The following NEDD4L variants were observed in gnomAD, a reference collection of about 807,000 sequenced individuals.
NEDD4L encodes E3 ubiquitin-protein ligase NEDD4-like.
A neutral mutation model predicts 148.9 loss-of-function variants in NEDD4L; 54 were observed. The observed-to-expected ratio is 0.36, with a 90% CI of 0.29 to 0.45. NEDD4L has a LOEUF of 0.45. Ranked by LOEUF, NEDD4L falls within the 20% of genes least tolerant of loss-of-function variation. NEDD4L has a pLI of 1.00. For missense variants in NEDD4L, 856 were observed against 1,233.8 expected, an observed-to-expected ratio of 0.69 and a Z score of 4.59; for synonymous variants, 433 against 440.7, an observed-to-expected ratio of 0.98 and a Z score of 0.22.
intron 1 of NEDD4L, among the ~76,000 whole-genome samples, chr18:58,055,054 T>C (rs2082034276): frequency 6.6e-6 from 1 of 152,190 alleles, no homozygotes; most frequent in African/African-American, 2.4e-5. Flanking sequence ...TGTTGAAGAA[T>C]ATTTAATACC....
At position 58,357,453 on chromosome 18, in the gene NEDD4L, T is replaced by C. The variant is rs758828842; in HGVS notation, c.1767+201T>C. The C allele has an allele frequency of 5.8e-5, 41 of 701,120 alleles. No individual in the cohort carries two copies. In the African/African-American group the frequency reaches 6.8e-4, roughly 12 times the overall value. 43.4% of individuals were successfully genotyped at this position (701,120 alleles called of 1,614,324 possible). On this transcript the variant is annotated intron_variant, in intron 19 of 30. Coordinates refer to ENST00000400345, the MANE Select transcript of NEDD4L (RefSeq NM_001144967.3). The stretch of plus-strand genomic sequence containing the variant: ...CATGTGCCTTTTCAGATGGATTTCA[T>C]TATAAAGGAAAACAGCTTGATAACG...
chr18:58,067,744 G>T (rs2082673748), intron 1 of NEDD4L, among the ~76,000 whole-genome samples: 1 of 152,200 alleles, frequency 6.6e-6, no homozygotes, highest in East Asian at 1.9e-4. Context: ...CTGGAGAAAG[G>T]AATGTTGTAC....
At chr18:58,089,841 CT>C (rs759472299) in intron 1 of NEDD4L, among the ~76,000 whole-genome samples, 8,014 of 137,790 alleles carry the variant, frequency 0.058, 624 homozygotes, top group African/African-American at 0.19. Context: ...CTTCCTTTTC[CT>C]TTTTTTTTTT....
chr18:58,351,080 T>C, intron 18 of NEDD4L, 35 bp downstream of exon 18: 1 of 1,566,142 alleles, frequency 6.4e-7, no homozygotes. Flanking sequence ...ACAGGTGTTG[T>C]GGGTTAGAGG....
intron 13 of NEDD4L, chr18:58,336,084 A>G (rs2041713589): frequency 6.5e-6 from 1 of 152,804 alleles, no homozygotes; most frequent in Admixed American, 6.5e-5. Flanking sequence ...CGTAATTCCA[A>G]GGGAACATAA....
chr18:58,148,131 A>T (rs1029105014), intron 1 of NEDD4L, among the ~76,000 whole-genome samples: 1 of 149,376 alleles, frequency 6.7e-6, no homozygotes, highest in African/African-American at 2.5e-5. Flanking sequence ...CCAATTGGTG[A>T]CTTCAACAAC....
At chr18:58,104,013 C>A (rs2145544431) in intron 1 of NEDD4L, among the ~76,000 whole-genome samples, 1 of 152,272 alleles carries the variant, frequency 6.6e-6, no homozygotes, top group Non-Finnish European at 1.5e-5. Context: ...CAGCACTGTT[C>A]ACAATAGTGG....
At chr18:58,325,536 C>T (rs895184065) in intron 9 of NEDD4L, among the ~76,000 whole-genome samples, 2 of 152,194 alleles carry the variant, frequency 1.3e-5, no homozygotes, top group Non-Finnish European at 2.9e-5. Context: ...AACCGGCAAG[C>T]AAATTGGCTT....
intron 5 of NEDD4L, among the ~76,000 whole-genome samples, chr18:58,276,212 T>TTTGGGG (rs1555782967): frequency 8.7e-5 from 9 of 103,412 alleles, no homozygotes; most frequent in African/African-American, 2.2e-4. Flanking sequence ...TTTTTTTTTT[T>TTTGGGG]GGGTGGGGAG....
At chr18:58,298,317 A>G (rs577263622) in intron 5 of NEDD4L, among the ~76,000 whole-genome samples, 36 of 152,322 alleles carry the variant, frequency 2.4e-4, no homozygotes, top group African/African-American at 8.7e-4. Flanking sequence ...TGATACAGAT[A>G]GTATTCTGGG....
intron 2 of NEDD4L, among the ~76,000 whole-genome samples, chr18:58,217,395 A>C (rs2043262252): frequency 6.6e-6 from 1 of 152,216 alleles, no homozygotes. Context: ...CTCTACCCTC[A>C]GCATCTGAAT....
intron 5 of NEDD4L, among the ~76,000 whole-genome samples, chr18:58,298,115 C>T (rs2055925568): frequency 6.6e-6 from 1 of 152,176 alleles, no homozygotes; most frequent in Non-Finnish European, 1.5e-5. Flanking sequence ...ATCAAGGAGA[C>T]TTACATTTAC....
intron 1 of NEDD4L, among the ~76,000 whole-genome samples, chr18:58,078,895 T>TG (rs2083300007): frequency 6.6e-6 from 1 of 152,168 alleles, no homozygotes. Flanking sequence ...TGGGCGGAAC[T>TG]GGGCTTAGTC....
At chr18:58,279,740 T>C (rs1322556701) in intron 5 of NEDD4L, among the ~76,000 whole-genome samples, 1 of 152,256 alleles carries the variant, frequency 6.6e-6, no homozygotes, top group Non-Finnish European at 1.5e-5. Flanking sequence ...TTGACAAGAA[T>C]GTGTTTTATG....
At chr18:58,312,750 A>C (rs944216976) in intron 5 of NEDD4L, among the ~76,000 whole-genome samples, 6 of 152,272 alleles carry the variant, frequency 3.9e-5, no homozygotes, top group Non-Finnish European at 8.8e-5. Context: ...ACATGATCTC[A>C]ACTCACTGCA....
chr18:58,356,170 T>G (rs1365726110), intron 18 of NEDD4L, among the ~76,000 whole-genome samples: 3 of 152,022 alleles, frequency 2.0e-5, no homozygotes, highest in Non-Finnish European at 4.4e-5. Context: ...GTTTCCCAGG[T>G]TGGGCCCGAA....
At chr18:58,108,040 T>C (rs1014460396) in intron 1 of NEDD4L, among the ~76,000 whole-genome samples, 2 of 152,192 alleles carry the variant, frequency 1.3e-5, no homozygotes, top group African/African-American at 2.4e-5. Flanking sequence ...TTTTGTGCGG[T>C]GAGAGGAGGA....
intron 16 of NEDD4L, among the ~76,000 whole-genome samples, chr18:58,347,746 G>A (rs758386480): frequency 2.6e-5 from 4 of 152,164 alleles, no homozygotes; most frequent in Non-Finnish European, 5.9e-5. Flanking sequence ...AGAAGCAAGG[G>A]TTGATTTTTG....
intron 1 of NEDD4L, among the ~76,000 whole-genome samples, chr18:58,139,755 C>T (rs1046876927): frequency 2.0e-5 from 3 of 152,122 alleles, no homozygotes; most frequent in Non-Finnish European, 4.4e-5. Flanking sequence ...CAGCTGTGTT[C>T]ATCTTTGCTA....
Sources: allele counts gnomAD v4.1 joint callset (sites outside exome capture counted in the v4.1 genomes callset), GRCh38; gene constraint gnomAD v4.1.1; transcripts MANE v1.5; gene names NCBI Gene and HGNC (gene_info 2026-07-23, HGNC 2026-07-21).